The following FAM47E variants were observed in gnomAD, a reference collection of about 807,000 sequenced individuals.
FAM47E encodes the protein family with sequence similarity 47 member E.
Under a neutral mutation model 41.6 loss-of-function variants are expected in FAM47E, and 32 were observed. The ratio of observed to expected loss-of-function variants is 0.77; its 90% CI spans 0.58 to 1.03. FAM47E has a LOEUF of 1.03. Ranked by LOEUF, FAM47E falls within the 50% of genes least tolerant of loss-of-function variation. The probability of loss-of-function intolerance (pLI) is 0.00; values close to 1 mark genes in which losing one functional copy is unlikely to be tolerated. For synonymous variants in FAM47E, 184 were observed against 188.7 expected (o/e 0.98, Z 0.20); for missense variants, 424 against 485.4 (o/e 0.87, Z 1.19).
upstream of FAM47E, chr4:76,251,562 C>G (rs2109999491): frequency 4.9e-6 from 6 of 1,217,382 alleles, no homozygotes; most frequent in South Asian, 1.4e-4. Context: ...CCTCTCCCTT[C>G]CCTCGGCCAG....
chr4:76,216,715 A>C (rs1733214155), intron 1 of FAM47E, among the ~76,000 whole-genome samples: 1 of 152,236 alleles, frequency 6.6e-6, no homozygotes, highest in Non-Finnish European at 1.5e-5. Context: ...GGCGGTTAGT[A>C]AGCCACTTCC....
At chr4:76,219,985 A>G (rs952639081) in intron 2 of FAM47E, among the ~76,000 whole-genome samples, 1 of 152,234 alleles carries the variant, frequency 6.6e-6, no homozygotes, top group Non-Finnish European at 1.5e-5. Context: ...AGTGTCAATG[A>G]AAAACGTTTC....
At chr4:76,251,896 G>T in intron 1 of FAM47E, 76 bp downstream of exon 1, 1 of 1,352,020 alleles carries the variant, frequency 7.4e-7, no homozygotes, top group Non-Finnish European at 9.4e-7. Context: ...CGCGCTTGCT[G>T]GGGCGGGGGC....
At chr4:76,222,944 C>T (rs981508757) in intron 2 of FAM47E, among the ~76,000 whole-genome samples, 1 of 152,186 alleles carries the variant, frequency 6.6e-6, no homozygotes, top group East Asian at 1.9e-4. Flanking sequence ...CCAGGTGAAG[C>T]CTCGTGCATG....
chr4:76,275,904 A>G (rs1021200406), intron 5 of FAM47E, among the ~76,000 whole-genome samples: 4 of 151,926 alleles, frequency 2.6e-5, no homozygotes, highest in African/African-American at 9.7e-5. Flanking sequence ...CCTCAGGGAT[A>G]TTTGGCAATA....
chr4:76,246,744 T>G (rs1733835706), upstream of FAM47E, among the ~76,000 whole-genome samples: 1 of 152,124 alleles, frequency 6.6e-6, no homozygotes, highest in Non-Finnish European at 1.5e-5. Context: ...TAAATTAATT[T>G]TGCCTGTTTT....
At chr4:76,216,143 T>C (rs1360405412) in intron 1 of FAM47E, among the ~76,000 whole-genome samples, 4 of 152,182 alleles carry the variant, frequency 2.6e-5, no homozygotes, top group African/African-American at 9.7e-5. Context: ...AGCCTTTCTC[T>C]TCCCCTAATC....
intron 2 of FAM47E, among the ~76,000 whole-genome samples, chr4:76,233,929 G>T (rs1046751204): frequency 5.3e-5 from 8 of 152,338 alleles, no homozygotes; most frequent in Non-Finnish European, 7.3e-5. Context: ...TACTGATGGG[G>T]TGAAGAAGAG....
intron 2 of FAM47E, chr4:76,217,806 A>C (rs1733239448): frequency 2.5e-6 from 1 of 404,520 alleles, no homozygotes; most frequent in South Asian, 1.2e-4. Context: ...GAGAAGAACA[A>C]GTACACTTAA....
chr4:76,223,542 TC>T (rs1733345099), intron 2 of FAM47E, among the ~76,000 whole-genome samples: 1 of 152,152 alleles, frequency 6.6e-6, no homozygotes, highest in Non-Finnish European at 1.5e-5. Context: ...CTTCCTCTAA[TC>T]CCTTGCTACT....
At chr4:76,277,608 A>T (rs1735182615) in intron 5 of FAM47E, among the ~76,000 whole-genome samples, 1 of 152,070 alleles carries the variant, frequency 6.6e-6, no homozygotes, top group Non-Finnish European at 1.5e-5. Context: ...ACACTATTTA[A>T]TAACTTACTA....
intron 5 of FAM47E, among the ~76,000 whole-genome samples, chr4:76,272,601 A>T (rs1734938182): frequency 6.6e-6 from 1 of 152,200 alleles, no homozygotes; most frequent in African/African-American, 2.4e-5. Context: ...GTTTATGAAA[A>T]CTATGCATTT....
At chr4:76,233,466 G>A (rs761540086) in intron 2 of FAM47E, among the ~76,000 whole-genome samples, 13 of 152,038 alleles carry the variant, frequency 8.6e-5, no homozygotes, top group Non-Finnish European at 4.4e-5. Context: ...GATTAAAGTC[G>A]CGTGAACTGA....
At position 76,217,627 on chromosome 4, in the gene FAM47E, G is replaced by A. The variant is rs576816603; in HGVS notation, c.20G>A (p.Cys7Tyr). 1.2e-5 allele frequency: 8 copies of A among 647,586 alleles called. No individual in the cohort carries two copies. In the African/African-American group the frequency reaches 1.3e-4, roughly 10 times the overall value. The allele number at this position is 647,586 out of a possible 1,614,324, so 40.1% of individuals were successfully genotyped here. Residue 7 changes from cysteine (C) to tyrosine (Y), a missense_variant, in exon 2 of 8, where the codon TGC becomes TAC. By Grantham distance (194) the Cys-to-Tyr change is radical (BLOSUM62 -2). Transcript: ENST00000510197. ...CATCCAATGCAGATGTCTGTGCCGT[G>A]CGTCTTGTCCAGCCTGCAGAACCAT... is the stretch of plus-strand genomic sequence containing the variant.
chr4:76,233,723 A>T (rs1312350800), intron 2 of FAM47E, among the ~76,000 whole-genome samples: 6 of 152,128 alleles, frequency 3.9e-5, no homozygotes, highest in African/African-American at 1.4e-4. Context: ...CAACCACAGC[A>T]GGCTCATCCC....
intron 2 of FAM47E, among the ~76,000 whole-genome samples, chr4:76,221,033 C>G (rs1457444280): frequency 6.6e-6 from 1 of 152,184 alleles, no homozygotes; most frequent in African/African-American, 2.4e-5. Flanking sequence ...CTCACTGATT[C>G]CTAATCAACT....
At position 76,226,591 on chromosome 4, in the gene FAM47E, C is replaced by T. The variant is rs770851178; in HGVS notation, c.81+8903C>T. 5.9e-4 allele frequency among the ~76,000 whole-genome samples: 89 copies of T among 152,116 alleles called. 1 individual carries two copies. The highest frequency in any genetic ancestry group is 1.9e-4 in the Non-Finnish European group (13 of 68,026). On this transcript the variant is annotated intron_variant, in intron 2 of 7. Transcript: ENST00000510197. ...GCACAGAGCTTGGTGTTCCATAGGC[C>T]ACAAGGGGTTTTGGACCCTGGACCC... is the stretch of plus-strand genomic sequence containing the variant.
At chr4:76,277,695 T>G (rs1415212074) in intron 5 of FAM47E, among the ~76,000 whole-genome samples, 1 of 152,196 alleles carries the variant, frequency 6.6e-6, no homozygotes, top group Non-Finnish European at 1.5e-5. Flanking sequence ...CCTAGCTGCT[T>G]TACATACATT....
intron 5 of FAM47E, among the ~76,000 whole-genome samples, chr4:76,274,884 C>G (rs1224690654): frequency 6.6e-6 from 1 of 152,178 alleles, no homozygotes; most frequent in East Asian, 1.9e-4. Context: ...CAAACTTTCT[C>G]TGCCTTGATC....
Sources: allele counts gnomAD v4.1 joint callset (sites outside exome capture counted in the v4.1 genomes callset), GRCh38; gene constraint gnomAD v4.1.1; transcripts MANE v1.5; gene names NCBI Gene and HGNC (gene_info 2026-07-23, HGNC 2026-07-21).